PPARGC1A: variants seen among roughly 807,000 people sequenced by gnomAD.
PPARGC1A encodes the protein peroxisome proliferator-activated receptor gamma coactivator 1-alpha.
A neutral mutation model predicts 88.7 loss-of-function variants in PPARGC1A; 25 were observed. The observed-to-expected ratio is 0.28, with a 90% CI of 0.21 to 0.39. The LOEUF (loss-of-function observed/expected upper bound fraction) is 0.39. Among genes scored for constraint, PPARGC1A ranks in the 10% least tolerant of loss-of-function variants. The pLI is 1.00. For synonymous variants in PPARGC1A, 363 were observed against 355.6 expected (o/e 1.02, Z -0.24); for missense variants, 880 against 968.7 (o/e 0.91, Z 1.22).
At chr4:23,797,916 C>T (rs993259123) in intron 12 of PPARGC1A, among the ~76,000 whole-genome samples, 7 of 152,118 alleles carry the variant, frequency 4.6e-5, no homozygotes, top group South Asian at 4.1e-4. Context: ...TCCAGATGGC[C>T]GGTTCCTGCC....
At chr4:23,856,986 A>G (rs1376474983) in intron 2 of PPARGC1A, among the ~76,000 whole-genome samples, 1 of 152,208 alleles carries the variant, frequency 6.6e-6, no homozygotes, top group Non-Finnish European at 1.5e-5. Context: ...TTGACTATCA[A>G]TTAAGTGCAA....
the PPARGC1A span, among the ~76,000 whole-genome samples, chr4:24,445,030 GC>G: frequency 6.6e-6 from 1 of 151,922 alleles, no homozygotes; most frequent in Non-Finnish European, 1.5e-5. Flanking sequence ...TCCAGCCTGG[GC>G]AACAGAGCAA....
the PPARGC1A span, among the ~76,000 whole-genome samples, chr4:24,191,610 C>T: frequency 2.6e-5 from 4 of 152,094 alleles, no homozygotes; most frequent in Admixed American, 2.6e-4. Context: ...CAAATTCCAA[C>T]CACCTTTTTA....
the PPARGC1A span, among the ~76,000 whole-genome samples, chr4:24,257,264 G>C: frequency 6.6e-6 from 1 of 152,104 alleles, no homozygotes; most frequent in Non-Finnish European, 1.5e-5. Flanking sequence ...AGACATATAA[G>C]ACCCTTGCAG....
the PPARGC1A span, among the ~76,000 whole-genome samples, chr4:24,040,663 T>A: frequency 6.6e-6 from 1 of 152,194 alleles, no homozygotes; most frequent in Non-Finnish European, 1.5e-5. Flanking sequence ...ACACCGGAGC[T>A]TACAGATCTG....
At chr4:24,113,798 G>A in the PPARGC1A span, among the ~76,000 whole-genome samples, 1 of 152,054 alleles carries the variant, frequency 6.6e-6, no homozygotes, top group African/African-American at 2.4e-5. Flanking sequence ...AGACCATGTG[G>A]CAATAAACAT....
chr4:24,216,561 A>C, the PPARGC1A span, among the ~76,000 whole-genome samples: 4 of 152,118 alleles, frequency 2.6e-5, no homozygotes, highest in Non-Finnish European at 5.9e-5. Flanking sequence ...AAATCCGCTG[A>C]GACTTTTTTT....
chr4:23,895,833 T>C (rs564120513), intron 1 of PPARGC1A, among the ~76,000 whole-genome samples: 1 of 152,022 alleles, frequency 6.6e-6, no homozygotes, highest in Non-Finnish European at 1.5e-5. Context: ...GTACAAAGAT[T>C]TTTCATATTA....
the PPARGC1A span, among the ~76,000 whole-genome samples, chr4:24,251,932 TACATTTGTC>T: frequency 3.6e-5 from 5 of 139,738 alleles, no homozygotes; most frequent in East Asian, 9.8e-4. Context: ...ATGTGACTAT[TACATTTGTC>T]TGTCTTTTAT....
chr4:23,946,101 C>T, the PPARGC1A span, among the ~76,000 whole-genome samples: 2 of 152,112 alleles, frequency 1.3e-5, no homozygotes, highest in Non-Finnish European at 2.9e-5. Flanking sequence ...AGAGTAGGGG[C>T]AAAGCACAGG....
the PPARGC1A span, among the ~76,000 whole-genome samples, chr4:24,446,696 A>G: frequency 9.3e-5 from 14 of 150,658 alleles, no homozygotes; most frequent in African/African-American, 2.9e-4. Context: ...CCCTAGGTTC[A>G]AGCAATTCTC....
chr4:24,129,022 G>A, the PPARGC1A span, among the ~76,000 whole-genome samples: 1 of 152,172 alleles, frequency 6.6e-6, no homozygotes, highest in African/African-American at 2.4e-5. Context: ...ACATCAAATG[G>A]CAGAAATGTA....
the PPARGC1A span, among the ~76,000 whole-genome samples, chr4:23,973,053 A>G: frequency 6.6e-6 from 1 of 152,190 alleles, no homozygotes; most frequent in African/African-American, 2.4e-5. Flanking sequence ...GGATCAGATA[A>G]GTCCTTCCTC....
the PPARGC1A span, among the ~76,000 whole-genome samples, chr4:23,956,011 A>AC: frequency 1.6e-4 from 24 of 152,252 alleles, no homozygotes; most frequent in South Asian, 4.4e-3. Context: ...GTGTCAGTGA[A>AC]CAGGCATGGC....
At chr4:24,039,130 A>G in the PPARGC1A span, among the ~76,000 whole-genome samples, 1 of 152,208 alleles carries the variant, frequency 6.6e-6, no homozygotes, top group Non-Finnish European at 1.5e-5. Flanking sequence ...TGTTCCCTCT[A>G]TAACTGTGAA....
At chr4:23,978,417 C>T in the PPARGC1A span, among the ~76,000 whole-genome samples, 1 of 152,072 alleles carries the variant, frequency 6.6e-6, no homozygotes, top group Non-Finnish European at 1.5e-5. Flanking sequence ...AAATGTCATT[C>T]TTTATACACT....
At chr4:24,219,485 C>CGTCA in the PPARGC1A span, among the ~76,000 whole-genome samples, 1 of 152,208 alleles carries the variant, frequency 6.6e-6, no homozygotes. Context: ...TCACTGCCTG[C>CGTCA]GTCACTGCCT....
the PPARGC1A span, among the ~76,000 whole-genome samples, chr4:23,938,288 C>T: frequency 6.6e-6 from 1 of 152,160 alleles, no homozygotes; most frequent in Non-Finnish European, 1.5e-5. Flanking sequence ...AAAAGTCCCT[C>T]CCTGGAAGGT....
chr4:23,804,421 CT>C (rs1719380511), intron 10 of PPARGC1A, among the ~76,000 whole-genome samples: 1 of 152,186 alleles, frequency 6.6e-6, no homozygotes, highest in Non-Finnish European at 1.5e-5. Flanking sequence ...CCTCCAGCTT[CT>C]CTTTCTGGAC....
Sources: allele counts gnomAD v4.1 joint callset (sites outside exome capture counted in the v4.1 genomes callset), GRCh38; gene constraint gnomAD v4.1.1; transcripts MANE v1.5; gene names NCBI Gene and HGNC (gene_info 2026-07-23, HGNC 2026-07-21).